Variants in PCDH9 observed in about 807,000 individuals in gnomAD.
PCDH9 encodes the protein protocadherin-9.
Under a neutral mutation model 70.6 loss-of-function variants are expected in PCDH9, and 24 were observed. The ratio of observed to expected loss-of-function variants is 0.34; its 90% confidence interval spans 0.25 to 0.48. The LOEUF (loss-of-function observed/expected upper bound fraction) is 0.48, where lower values mean the gene tolerates loss of function less well. PCDH9 is among the 20% of genes least tolerant of loss of function. The pLI is 0.99. For missense variants in PCDH9, 1,281 were observed against 1,503.6 expected (o/e 0.85, Z 2.45); for synonymous variants, 562 against 558.5 (o/e 1.01, Z -0.09).
intron 4 of PCDH9, among the ~76,000 whole-genome samples, chr13:66,462,636 T>G (rs1254976072): frequency 6.6e-6 from 1 of 151,824 alleles, no homozygotes; most frequent in African/African-American, 2.4e-5. Context: ...TTTGAAACAT[T>G]AAAAAGATTC....
intron 3 of PCDH9, among the ~76,000 whole-genome samples, chr13:66,683,098 G>T (rs546435119): frequency 1.2e-4 from 18 of 152,238 alleles, no homozygotes; most frequent in Admixed American, 3.9e-4. Context: ...TAAATACAAC[G>T]TTACAACCTG....
At chr13:66,308,558 C>A (rs575852609) in intron 4 of PCDH9, among the ~76,000 whole-genome samples, 1 of 151,990 alleles carries the variant, frequency 6.6e-6, no homozygotes, top group Non-Finnish European at 1.5e-5. Context: ...ATGGGAGAAG[C>A]CTTTCAGGCA....
chr13:66,567,803 A>C lies in PCDH9; in HGVS notation c.3340+63407T>G, dbSNP rs189167851. Among the ~76,000 whole-genome samples the C allele has an allele frequency of 2.9e-3, 440 of 152,286 alleles. 3 individuals are homozygous for C. Among genetic ancestry groups the C allele is most frequent in the Admixed American group, 3.9e-3 (59 of 15,278 alleles). ...TACCAAATTATGCAAGGAATAAATA[A>C]TTTTCTTCAGGAACACAGAAAACTT... On this transcript the variant is annotated intron_variant, in intron 4 of 4. Transcript: ENST00000377865.
At chr13:67,023,568 G>C (rs1011510261) in intron 2 of PCDH9, among the ~76,000 whole-genome samples, 14 of 152,180 alleles carry the variant, frequency 9.2e-5, no homozygotes, top group African/African-American at 3.4e-4. Context: ...GTTTGCCTGA[G>C]GGGAGGCAAA....
At chr13:66,732,054 C>T (rs946507145) in intron 3 of PCDH9, among the ~76,000 whole-genome samples, 3 of 151,816 alleles carry the variant, frequency 2.0e-5, no homozygotes, top group Non-Finnish European at 2.9e-5. Flanking sequence ...TCAAGATATG[C>T]TTTTGATTTC....
intron 2 of PCDH9, among the ~76,000 whole-genome samples, chr13:67,116,435 A>T (rs547876709): frequency 3.5e-4 from 53 of 152,336 alleles, no homozygotes; most frequent in Admixed American, 3.5e-3. Context: ...ATGTTTATCC[A>T]GTCAGGAAGG....
At chr13:66,578,841 C>T (rs1332377842) in intron 4 of PCDH9, among the ~76,000 whole-genome samples, 2 of 152,018 alleles carry the variant, frequency 1.3e-5, no homozygotes, top group Non-Finnish European at 2.9e-5. Flanking sequence ...CTGAGTTCAC[C>T]CTGTTCTCTG....
chr13:66,391,292 A>T (rs1247492317), intron 4 of PCDH9, among the ~76,000 whole-genome samples: 1 of 152,236 alleles, frequency 6.6e-6, no homozygotes, highest in Non-Finnish European at 1.5e-5. Flanking sequence ...CTGCCTACTG[A>T]CAAGCTATGC....
intron 4 of PCDH9, among the ~76,000 whole-genome samples, chr13:66,429,398 T>C (rs1279426305): frequency 6.7e-6 from 1 of 148,892 alleles, no homozygotes; most frequent in Non-Finnish European, 1.5e-5. Context: ...TGTGATTTGA[T>C]GTTTTTCTTT....
intron 4 of PCDH9, among the ~76,000 whole-genome samples, chr13:66,386,348 C>T (rs1242050186): frequency 6.6e-6 from 1 of 152,044 alleles, no homozygotes; most frequent in African/African-American, 2.4e-5. Flanking sequence ...ATCTTTGACT[C>T]CTTCTTTTGT....
intron 3 of PCDH9, among the ~76,000 whole-genome samples, chr13:66,716,580 C>T (rs116716445): frequency 0.011 from 1,604 of 152,238 alleles, 26 homozygotes; most frequent in African/African-American, 0.035. Context: ...ATTCATCTCA[C>T]ATTATAGGCA....
At chr13:66,340,266 C>T (rs2138142894) in intron 4 of PCDH9, among the ~76,000 whole-genome samples, 1 of 152,166 alleles carries the variant, frequency 6.6e-6, no homozygotes, top group Admixed American at 6.5e-5. Context: ...GTTTTTTGTC[C>T]TCAACTAGTC....
intron 4 of PCDH9, among the ~76,000 whole-genome samples, chr13:66,572,745 G>A (rs2076750055): frequency 6.6e-6 from 1 of 152,044 alleles, no homozygotes; most frequent in South Asian, 2.1e-4. Flanking sequence ...ATTGCTAGAA[G>A]CTATAGTATT....
At chr13:66,640,746 G>A (rs1261225096) in intron 3 of PCDH9, among the ~76,000 whole-genome samples, 2 of 152,160 alleles carry the variant, frequency 1.3e-5, no homozygotes, top group Non-Finnish European at 2.9e-5. Flanking sequence ...TGAGAAGTAC[G>A]ATTACTGTAC....
intron 2 of PCDH9, among the ~76,000 whole-genome samples, chr13:67,111,281 AAT>A (rs2086653800): frequency 6.6e-6 from 1 of 152,224 alleles, no homozygotes; most frequent in African/African-American, 2.4e-5. Flanking sequence ...ATGTACGATT[AAT>A]ATATAGTCGT....
At chr13:66,777,083 A>G (rs1304301600) in intron 3 of PCDH9, among the ~76,000 whole-genome samples, 1 of 150,426 alleles carries the variant, frequency 6.6e-6, no homozygotes, top group Non-Finnish European at 1.5e-5. Context: ...CCATATGTAG[A>G]AAGCTGAAAC....
At chr13:66,970,525 G>T (rs779891481) in intron 2 of PCDH9, among the ~76,000 whole-genome samples, 42 of 150,124 alleles carry the variant, frequency 2.8e-4, no homozygotes, top group Non-Finnish European at 5.2e-4. Flanking sequence ...GTGTGGTCCT[G>T]ACTACTGGGG....
rs1221517172 is a variant in PCDH9, at chr13:66,670,905, T to A, written c.3139-39494A>T. 3.7e-5 allele frequency among the ~76,000 whole-genome samples: 5 copies of A among 135,932 alleles called. No individual in the cohort carries two copies. The East Asian group carries it at 1.1e-3, about 30-fold the overall frequency. The allele number at this position is 135,932 out of a possible 152,430, so 89.2% of individuals were successfully genotyped here. On this transcript the variant is annotated intron_variant, in intron 3 of 4. Transcript: ENST00000377865. The stretch of plus-strand genomic sequence containing the variant: ...AGGCCCTTATCTAACATGACTGTGT[T>A]CTTATTTAAAAAAAAAAAAAAAAAA...
chr13:67,008,056 C>A (rs1292706586), intron 2 of PCDH9, among the ~76,000 whole-genome samples: 2 of 152,006 alleles, frequency 1.3e-5, no homozygotes, highest in Non-Finnish European at 2.9e-5. Flanking sequence ...AGCTCACATA[C>A]ATTTTATTAA....
Sources: gnomAD v4.1 joint callset for allele counts (sites outside exome capture counted in the v4.1 genomes callset) on GRCh38, gnomAD v4.1.1 for gene constraint, MANE v1.5 for transcripts, NCBI Gene and HGNC (gene_info 2026-07-23, HGNC 2026-07-21) for gene names.